SYNPR: variants seen among roughly 807,000 people sequenced by gnomAD.
SYNPR encodes synaptoporin.
SYNPR carries 23 observed loss-of-function variants against 32.9 expected under a neutral mutation model. The ratio of observed to expected loss-of-function variants is 0.70; its 90% CI spans 0.50 to 0.99. The LOEUF (loss-of-function observed/expected upper bound fraction) is 0.99, where lower values mean the gene tolerates loss of function less well. Among genes scored for constraint, SYNPR ranks in the 50% least tolerant of loss-of-function variants. SYNPR has a pLI of 0.00. For missense variants in SYNPR, 318 were observed against 349.3 expected (o/e 0.91, Z 0.71); for synonymous variants, 146 against 135.9 (o/e 1.07, Z -0.52).
At chr3:63,365,265 C>A (rs1301030927) in intron 2 of SYNPR, among the ~76,000 whole-genome samples, 1 of 151,976 alleles carries the variant, frequency 6.6e-6, no homozygotes, top group East Asian at 1.9e-4. Flanking sequence ...AGGTTGTGTT[C>A]AACAACCAGA....
intron 4 of SYNPR, among the ~76,000 whole-genome samples, chr3:63,574,535 C>T (rs779996278): frequency 6.6e-6 from 1 of 152,100 alleles, no homozygotes; most frequent in Non-Finnish European, 1.5e-5. Flanking sequence ...CTAAACATCC[C>T]ATGAGGCAAA....
chr3:63,319,540 T>C (rs1419542632), intron 2 of SYNPR, among the ~76,000 whole-genome samples: 3 of 151,820 alleles, frequency 2.0e-5, no homozygotes, highest in Admixed American at 2.0e-4. Context: ...ATTAATAAGA[T>C]AAACTACCTA....
At chr3:63,497,088 T>C (rs1857819) in intron 3 of SYNPR, among the ~76,000 whole-genome samples, 21,419 of 152,140 alleles carry the variant, frequency 0.14, 1,630 homozygotes, top group Non-Finnish European at 0.18. Flanking sequence ...CCTTACCCAA[T>C]ATGACCATCA....
At chr3:63,451,630 C>A (rs1162164051) in intron 2 of SYNPR, among the ~76,000 whole-genome samples, 3 of 152,060 alleles carry the variant, frequency 2.0e-5, no homozygotes, top group Non-Finnish European at 4.4e-5. Flanking sequence ...CTGGACCTTG[C>A]CCATCAGTTT....
intron 2 of SYNPR, among the ~76,000 whole-genome samples, chr3:63,367,488 C>T (rs1361692179): frequency 1.3e-5 from 2 of 152,030 alleles, no homozygotes; most frequent in Non-Finnish European, 2.9e-5. Context: ...TCCAAAGTAG[C>T]TGACACTACA....
intron 2 of SYNPR, among the ~76,000 whole-genome samples, chr3:63,305,424 T>C (rs2086899983): frequency 6.6e-6 from 1 of 152,036 alleles, no homozygotes; most frequent in Non-Finnish European, 1.5e-5. Context: ...CAATAAGCAT[T>C]ATGACAGGAA....
chr3:63,409,272 C>T (rs927325492), intron 2 of SYNPR, among the ~76,000 whole-genome samples: 1 of 152,016 alleles, frequency 6.6e-6, no homozygotes, highest in Admixed American at 6.6e-5. Flanking sequence ...TTCAGAAAAA[C>T]TAAACATCGA....
At chr3:63,606,791 A>G (rs1700129511) in intron 4 of SYNPR, among the ~76,000 whole-genome samples, 1 of 152,238 alleles carries the variant, frequency 6.6e-6, no homozygotes. Flanking sequence ...GGCCAGGCTT[A>G]GAATCCTTGC....
At chr3:63,577,200 G>A (rs1279868682) in intron 4 of SYNPR, among the ~76,000 whole-genome samples, 3 of 152,158 alleles carry the variant, frequency 2.0e-5, no homozygotes, top group Admixed American at 1.3e-4. Context: ...CTGGGTAAAC[G>A]CAATGCTTAA....
chr3:63,462,267 C>A (rs1352306764), intron 2 of SYNPR, among the ~76,000 whole-genome samples: 1 of 152,220 alleles, frequency 6.6e-6, no homozygotes, highest in East Asian at 1.9e-4. Context: ...TGTTCTCTAC[C>A]ATTGTACCTC....
chr3:63,239,842 T>C (rs868751667), intron 1 of SYNPR, among the ~76,000 whole-genome samples: 5 of 149,086 alleles, frequency 3.4e-5, no homozygotes, highest in Middle Eastern at 3.4e-3. Flanking sequence ...ACCATTGTCA[T>C]CTATCCCACC....
intron 3 of SYNPR, among the ~76,000 whole-genome samples, chr3:63,493,616 G>A (rs1200103538): frequency 1.3e-5 from 2 of 151,952 alleles, no homozygotes; most frequent in Non-Finnish European, 2.9e-5. Context: ...AGGATTTCAA[G>A]ACTAGCCTGG....
chr3:63,324,337 A>G (rs2087141339), intron 2 of SYNPR, among the ~76,000 whole-genome samples: 1 of 145,878 alleles, frequency 6.9e-6, no homozygotes, highest in Admixed American at 6.9e-5. Context: ...ATGGCTTCTC[A>G]AGACTGGGAT....
At chr3:63,581,391 C>A (rs1703089269) in intron 4 of SYNPR, among the ~76,000 whole-genome samples, 1 of 93,190 alleles carries the variant, frequency 1.1e-5, no homozygotes, top group Non-Finnish European at 2.5e-5. Flanking sequence ...CATTCCAAAT[C>A]AGTAACAGTA....
At chr3:63,434,537 A>G (rs62251438) in intron 2 of SYNPR, among the ~76,000 whole-genome samples, 58 of 152,334 alleles carry the variant, frequency 3.8e-4, no homozygotes, top group Non-Finnish European at 6.8e-4. Context: ...TTCATATCTC[A>G]GTGTACTGGG....
intron 2 of SYNPR, among the ~76,000 whole-genome samples, chr3:63,468,869 C>A (rs1459997611): frequency 2.0e-5 from 3 of 152,026 alleles, no homozygotes; most frequent in African/African-American, 7.2e-5. Context: ...GCTTATCTTT[C>A]ACTAAGGTAA....
At chr3:63,507,462 A>G (rs1020128085) in intron 3 of SYNPR, among the ~76,000 whole-genome samples, 2 of 152,198 alleles carry the variant, frequency 1.3e-5, no homozygotes, top group African/African-American at 4.8e-5. Context: ...CCGAGAAGTA[A>G]CGTGTAAGTA....
At chr3:63,270,900 T>C (rs1380550260) in intron 3 of SYNPR, among the ~76,000 whole-genome samples, 1 of 59,828 alleles carries the variant, frequency 1.7e-5, no homozygotes, top group African/African-American at 5.8e-5. Context: ...TCCTTCCTTT[T>C]CTTTCCTTCC....
intron 2 of SYNPR, among the ~76,000 whole-genome samples, chr3:63,265,558 A>C (rs1439053947): frequency 2.0e-5 from 3 of 152,136 alleles, no homozygotes; most frequent in African/African-American, 7.2e-5. Context: ...AGTCAATGGC[A>C]TTCTTTAAGT....
Sources: allele counts gnomAD v4.1 joint callset (sites outside exome capture counted in the v4.1 genomes callset), GRCh38; gene constraint gnomAD v4.1.1; transcripts MANE v1.5; gene names NCBI Gene and HGNC (gene_info 2026-07-23, HGNC 2026-07-21).